The following PTPRB variants were observed in gnomAD, a reference collection of about 807,000 sequenced individuals.
PTPRB encodes receptor-type tyrosine-protein phosphatase beta.
PTPRB carries 97 observed loss-of-function variants against 238.1 expected under a neutral mutation model. The observed-to-expected ratio is 0.41, with a 90% CI of 0.35 to 0.48. The LOEUF (loss-of-function observed/expected upper bound fraction) is 0.48, where lower values mean the gene tolerates loss of function less well. Among genes scored for constraint, PTPRB ranks in the 20% least tolerant of loss-of-function variants. PTPRB has a pLI of 0.30. For synonymous variants in PTPRB, 970 were observed against 995.4 expected, an observed-to-expected ratio of 0.97 and a Z score of 0.48; for missense variants, 2,292 against 2,681.9, an observed-to-expected ratio of 0.85 and a Z score of 3.21.
intron 7 of PTPRB, chr12:70,591,938 A>G: frequency 3.6e-6 from 1 of 279,574 alleles, no homozygotes; most frequent in South Asian, 4.8e-5. Flanking sequence ...ATAAATTAAT[A>G]AAATAATGTA....
At chr12:70,572,466 C>T (rs1175224673) in intron 11 of PTPRB, among the ~76,000 whole-genome samples, 7 of 151,754 alleles carry the variant, frequency 4.6e-5, no homozygotes, top group South Asian at 2.1e-4. Context: ...TCCCCCAACC[C>T]GCCCCCCTCA....
chr12:70,581,928 C>CA (rs1382458611), intron 9 of PTPRB, among the ~76,000 whole-genome samples: 1 of 151,992 alleles, frequency 6.6e-6, no homozygotes, highest in Non-Finnish European at 1.5e-5. Context: ...CCATTCAGAA[C>CA]TCTATAAAGT....
At chr12:70,593,330 T>C (rs1882674577) in intron 6 of PTPRB, among the ~76,000 whole-genome samples, 1 of 151,990 alleles carries the variant, frequency 6.6e-6, no homozygotes, top group African/African-American at 2.4e-5. Flanking sequence ...CTGGCCAACA[T>C]GGTGAAACCC....
intron 4 of PTPRB, among the ~76,000 whole-genome samples, chr12:70,598,409 G>A (rs1233808020): frequency 6.6e-6 from 1 of 152,164 alleles, no homozygotes; most frequent in Non-Finnish European, 1.5e-5. Flanking sequence ...CACAGAAGCA[G>A]TGAAATGTAA....
intron 8 of PTPRB, among the ~76,000 whole-genome samples, chr12:70,589,450 T>C (rs1443111973): frequency 6.6e-6 from 1 of 152,074 alleles, no homozygotes; most frequent in Non-Finnish European, 1.5e-5. Context: ...GAAACATGAG[T>C]CTTGGTATTC....
intron 7 of PTPRB, 186 bp downstream of exon 7, chr12:70,592,096 A>T: frequency 1.4e-6 from 1 of 734,458 alleles, no homozygotes; most frequent in Non-Finnish European, 2.2e-6. Context: ...CAGATCATTC[A>T]GAAATCCAAA....
intron 16 of PTPRB, among the ~76,000 whole-genome samples, chr12:70,561,967 G>GA (rs1253932296): frequency 6.6e-6 from 1 of 152,148 alleles, no homozygotes; most frequent in Admixed American, 6.5e-5. Flanking sequence ...TGTCAAATGA[G>GA]AAAAAAGAAT....
At chr12:70,537,535 C>T (rs1306719276) in intron 28 of PTPRB, among the ~76,000 whole-genome samples, 1 of 151,980 alleles carries the variant, frequency 6.6e-6, no homozygotes, top group East Asian at 1.9e-4. Context: ...CACTTAATTT[C>T]TAAGTGTTTA....
rs71457059 is a variant in PTPRB, at chr12:70,535,224, GTTT to G, written c.6082-272_6082-270del. 5.0e-3 allele frequency among the ~76,000 whole-genome samples: 407 copies of G among 81,964 alleles called. 6 individuals are homozygous for G. The highest frequency in any genetic ancestry group is 0.018 in the Middle Eastern group (2 of 110). The allele number at this position is 81,964 out of a possible 152,430, so 53.8% of individuals were successfully genotyped here. ...TTAGGCCCAGTAATATATGGCTTGAGTTTTTTTTTTTTTTTTTTTTTTTTTTCC... is the reference window on the plus strand; with the variant it reads ...TTAGGCCCAGTAATATATGGCTTGAGTTTTTTTTTTTTTTTTTTTTTTTCC... On this transcript the variant is annotated intron_variant, in intron 29 of 33. Transcript: ENST00000334414.
At chr12:70,574,551 A>G (rs1880476468) in intron 11 of PTPRB, among the ~76,000 whole-genome samples, 2 of 152,242 alleles carry the variant, frequency 1.3e-5, no homozygotes, top group Admixed American at 1.3e-4. Context: ...TATCACGTTA[A>G]GTCAATAAGG....
chr12:70,616,822 G>A (rs1438531510), intron 3 of PTPRB, among the ~76,000 whole-genome samples: 1 of 152,158 alleles, frequency 6.6e-6, no homozygotes, highest in East Asian at 1.9e-4. Flanking sequence ...CAATGCATGT[G>A]TTCTGTTCAT....
chr12:70,580,796 C>G (rs952282148), intron 10 of PTPRB, among the ~76,000 whole-genome samples: 4 of 147,704 alleles, frequency 2.7e-5, no homozygotes, highest in Non-Finnish European at 5.9e-5. Context: ...CCAGCCTGAG[C>G]AACCAGAGCG....
chr12:70,622,624 C>A lies in PTPRB; in HGVS notation c.474G>T (p.Ser158=). The change falls in exon 3 of 34, where the codon TCG becomes TCT. Residue 158 remains serine, a synonymous_variant. Transcript: ENST00000334414. ...LQKAGLGAEV[S]VRSTRNTAPP... ...GAGCCGTGTTTCTAGTGCTCCTCAC[C>A]GAAACTTCTGCTCCCAGGCCAGCTG... The A allele has an allele frequency of 1.3e-6, 2 of 1,574,684 alleles. No individual in the cohort carries two copies. The highest frequency in any genetic ancestry group is 2.3e-5 in the East Asian group (1 of 43,148).
At chr12:70,568,839 G>A (rs998943079) in intron 14 of PTPRB, among the ~76,000 whole-genome samples, 1 of 152,112 alleles carries the variant, frequency 6.6e-6, no homozygotes, top group African/African-American at 2.4e-5. Flanking sequence ...TGTTATATAC[G>A]TATCCTTGAT....
intron 8 of PTPRB, among the ~76,000 whole-genome samples, chr12:70,587,496 T>C (rs1050027911): frequency 6.6e-6 from 1 of 152,216 alleles, no homozygotes; most frequent in East Asian, 1.9e-4. Context: ...GTCATTGATT[T>C]TTGACTGTAT....
At chr12:70,549,877 A>G (rs1382986940) in intron 21 of PTPRB, among the ~76,000 whole-genome samples, 1 of 151,090 alleles carries the variant, frequency 6.6e-6, no homozygotes, top group Non-Finnish European at 1.5e-5. Flanking sequence ...AGAGATGATG[A>G]AGCCATAACA....
At chr12:70,610,242 A>C (rs1884355893) in intron 3 of PTPRB, among the ~76,000 whole-genome samples, 2 of 152,104 alleles carry the variant, frequency 1.3e-5, no homozygotes, top group African/African-American at 4.8e-5. Context: ...CCCCGCGCCG[A>C]TACCTTCCCG....
chr12:70,549,117 A>G (rs1433279274), intron 21 of PTPRB, among the ~76,000 whole-genome samples: 2 of 152,238 alleles, frequency 1.3e-5, no homozygotes, highest in African/African-American at 4.8e-5. Flanking sequence ...AACAACACGT[A>G]TTGCCAGATA....
At chr12:70,548,869 A>C (rs2717444) in intron 21 of PTPRB, among the ~76,000 whole-genome samples, 147,244 of 152,312 alleles carry the variant, frequency 0.97, 71,214 homozygotes, top group East Asian at 1. Context: ...CCCACTATTC[A>C]TTCCACATTG....
Sources: gnomAD v4.1 joint callset for allele counts (sites outside exome capture counted in the v4.1 genomes callset) on GRCh38, gnomAD v4.1.1 for gene constraint, MANE v1.5 for transcripts, NCBI Gene and HGNC (gene_info 2026-07-23, HGNC 2026-07-21) for gene names.